Variants in TANC2 observed in about 807,000 individuals in gnomAD.
TANC2 encodes protein TANC2.
Under a neutral mutation model 210.5 loss-of-function variants are expected in TANC2, and 26 were observed. That is an observed-to-expected ratio of 0.12 (90% confidence interval 0.09 to 0.17). The LOEUF (loss-of-function observed/expected upper bound fraction) is 0.17. Ranked by LOEUF, TANC2 falls within the 10% of genes least tolerant of loss-of-function variation. TANC2 has a pLI of 1.00. For missense variants in TANC2, 2,129 were observed against 2,608.9 expected (o/e 0.82, Z 4.01); for synonymous variants, 931 against 967.1 (o/e 0.96, Z 0.69).
At chr17:63,175,815 C>G (rs1182474312) in intron 5 of TANC2, among the ~76,000 whole-genome samples, 1 of 152,128 alleles carries the variant, frequency 6.6e-6, no homozygotes, top group Non-Finnish European at 1.5e-5. Flanking sequence ...TACTAATTAA[C>G]AAGAAGACAA....
intron 4 of TANC2, among the ~76,000 whole-genome samples, chr17:63,128,139 T>C (rs965664835): frequency 5.9e-5 from 9 of 152,248 alleles, no homozygotes; most frequent in South Asian, 2.1e-4. Context: ...GTTAAAAGCT[T>C]TGGAAAAACT....
Position 63,206,501 on chromosome 17 carries a change from A to G in TANC2, c.769+5544A>G, listed in dbSNP as rs371062549. Among the ~76,000 whole-genome samples, 4 of 152,344 alleles carry G rather than the reference A, an allele frequency of 2.6e-5. No homozygotes were observed. The South Asian group carries it at 8.3e-4, about 32-fold the overall frequency. ...AAACAAAATATGATATATACATGCA[A>G]TGAAATATTATTCACCTTAAAAAGA... is the stretch of plus-strand genomic sequence containing the variant. On this transcript the variant is annotated intron_variant, in intron 7 of 27. Transcript: ENST00000689528.
intron 4 of TANC2, among the ~76,000 whole-genome samples, chr17:63,115,095 T>A (rs1468211196): frequency 2.0e-5 from 3 of 152,196 alleles, no homozygotes; most frequent in African/African-American, 7.2e-5. Flanking sequence ...TTGCTCTTTT[T>A]ACCTAAGATA....
intron 1 of TANC2, among the ~76,000 whole-genome samples, chr17:62,978,307 A>G (rs2032129335): frequency 6.6e-6 from 1 of 152,254 alleles, no homozygotes; most frequent in Non-Finnish European, 1.5e-5. Flanking sequence ...ATTCTGAGAT[A>G]AAAACTACAT....
Position 63,373,590 on chromosome 17 carries a change from A to G in TANC2, c.2583-6128A>G, listed in dbSNP as rs140656380. On this transcript the variant is annotated intron_variant, in intron 14 of 27. Coordinates refer to ENST00000689528, the Ensembl canonical transcript of TANC2. ...GGCATGCGAGCTGGGTCTGTCCCTC[A>G]ATCTTGCTTAGTCTCTGTCAATCCT... 2.4e-4 allele frequency among the ~76,000 whole-genome samples: 37 copies of G among 152,334 alleles called. No homozygotes were observed. The East Asian group carries it at 6.6e-3, about 27-fold the overall frequency.
At chr17:63,217,079 A>G (rs1476215248) in intron 7 of TANC2, among the ~76,000 whole-genome samples, 1 of 152,248 alleles carries the variant, frequency 6.6e-6, no homozygotes, top group Non-Finnish European at 1.5e-5. Flanking sequence ...AGAAGAGCTT[A>G]GGAGGAAATT....
chr17:63,014,544 T>C (rs1477650479), intron 2 of TANC2, among the ~76,000 whole-genome samples: 2 of 152,186 alleles, frequency 1.3e-5, no homozygotes, highest in East Asian at 3.8e-4. Flanking sequence ...TGATTATTTG[T>C]TTAGTCACTT....
intron 14 of TANC2, among the ~76,000 whole-genome samples, chr17:63,367,316 C>T (rs1284750945): frequency 6.6e-6 from 1 of 152,218 alleles, no homozygotes; most frequent in African/African-American, 2.4e-5. Flanking sequence ...CAACCCACGG[C>T]CCATGGGCCA....
At chr17:63,405,537 G>A (rs2048476424) in intron 20 of TANC2, among the ~76,000 whole-genome samples, 1 of 152,194 alleles carries the variant, frequency 6.6e-6, no homozygotes, top group South Asian at 2.1e-4. Flanking sequence ...AGACTCCTTG[G>A]AAGGTTCATT....
At chr17:63,086,089 T>C (rs1018600748) in intron 3 of TANC2, among the ~76,000 whole-genome samples, 7 of 152,044 alleles carry the variant, frequency 4.6e-5, no homozygotes, top group African/African-American at 1.2e-4. Context: ...TGAGGAGATA[T>C]CAGGTATATT....
intron 2 of TANC2, among the ~76,000 whole-genome samples, chr17:63,036,778 T>C (rs2144202962): frequency 6.6e-6 from 1 of 152,244 alleles, no homozygotes; most frequent in East Asian, 1.9e-4. Context: ...TCCTTGATAT[T>C]TTTCATCAGC....
chr17:63,033,915 G>A (rs779728771), intron 2 of TANC2, among the ~76,000 whole-genome samples: 3 of 152,068 alleles, frequency 2.0e-5, no homozygotes, highest in Non-Finnish European at 4.4e-5. Context: ...TTTGGTGTTC[G>A]GTTTTATGAA....
intron 7 of TANC2, among the ~76,000 whole-genome samples, chr17:63,213,854 G>T (rs560220381): frequency 6.6e-6 from 1 of 152,284 alleles, no homozygotes; most frequent in South Asian, 2.1e-4. Flanking sequence ...TCTAGCCCCT[G>T]GTTCCCAACA....
chr17:63,138,035 TAA>T (rs1349402120), intron 4 of TANC2, among the ~76,000 whole-genome samples: 1 of 152,200 alleles, frequency 6.6e-6, no homozygotes, highest in Non-Finnish European at 1.5e-5. Context: ...TCCTTGCACT[TAA>T]GTGTGTCACA....
intron 8 of TANC2, among the ~76,000 whole-genome samples, chr17:63,255,707 C>G (rs1374359380): frequency 1.3e-5 from 2 of 151,324 alleles, no homozygotes; most frequent in Non-Finnish European, 2.9e-5. Flanking sequence ...CTCTTTTTTT[C>G]TTAGTCTGGC....
chr17:63,229,083 C>A (rs748560847), intron 7 of TANC2, among the ~76,000 whole-genome samples: 1 of 152,086 alleles, frequency 6.6e-6, no homozygotes, highest in Non-Finnish European at 1.5e-5. Flanking sequence ...ATGGTTCTTA[C>A]TATTTTGAGA....
At chr17:63,067,704 G>A (rs1352467426) in intron 2 of TANC2, among the ~76,000 whole-genome samples, 3 of 152,098 alleles carry the variant, frequency 2.0e-5, no homozygotes, top group Non-Finnish European at 4.4e-5. Flanking sequence ...CATAATGGAA[G>A]TGACTGCAGA....
rs537170247 is a variant in TANC2 at position 63,188,894 on chromosome 17, AC to A, written c.434-5088del. Among the ~76,000 whole-genome samples, 156 of 133,850 alleles carry A rather than the reference AC, an allele frequency of 1.2e-3. 1 individual carries two copies. The highest frequency in any genetic ancestry group is 4.0e-3 in the Middle Eastern group (1 of 250). 87.8% of individuals were successfully genotyped at this position (133,850 alleles called of 152,430 possible). On this transcript the variant is annotated intron_variant, in intron 5 of 27. Transcript: ENST00000689528. ...CCACTAATTTTAGAGCATTTTTATC[AC>A]CCCCCCCCAAAAAAAAATGTCCCGT...
rs73991880 is a variant in TANC2, at chr17:63,076,023, G to A, written c.139+2009G>A. The stretch of plus-strand genomic sequence containing the variant: ...AATAATTGAAAACTGAACTCCAACA[G>A]TAGCAGAGGAAATCAACAAAACAAC... On this transcript the variant is annotated intron_variant, in intron 3 of 27. Transcript: ENST00000689528. 4.7e-3 allele frequency among the ~76,000 whole-genome samples: 719 copies of A among 152,260 alleles called. 9 individuals are homozygous for A. Among genetic ancestry groups the A allele is most frequent in the African/African-American group, 0.016 (685 of 41,542 alleles).
Sources: gnomAD v4.1 joint callset for allele counts (sites outside exome capture counted in the v4.1 genomes callset) on GRCh38, gnomAD v4.1.1 for gene constraint, MANE v1.5 for transcripts, NCBI Gene and HGNC (gene_info 2026-07-23, HGNC 2026-07-21) for gene names.